TBL1XR1: variants seen among roughly 807,000 people sequenced by gnomAD.
TBL1XR1 encodes F-box-like/WD repeat-containing protein TBL1XR1.
Under a neutral mutation model 66.9 loss-of-function variants are expected in TBL1XR1, and 5 were observed. That is an observed-to-expected ratio of 0.07 (90% CI 0.04 to 0.16). The LOEUF is 0.16. TBL1XR1 is among the 10% of genes least tolerant of loss of function. The pLI, the probability that TBL1XR1 is intolerant of heterozygous loss-of-function variation, is 1.00. For missense variants in TBL1XR1, 238 were observed against 623.2 expected (o/e 0.38, Z 6.58); for synonymous variants, 210 against 206.0 (o/e 1.02, Z -0.17).
intron 1 of TBL1XR1, among the ~76,000 whole-genome samples, chr3:177,167,409 T>C (rs1020098139): frequency 6.6e-6 from 1 of 152,128 alleles, no homozygotes; most frequent in Non-Finnish European, 1.5e-5. Context: ...AAGATGCAAA[T>C]GTCATTATAC....
chr3:177,167,511 T>C (rs183452112), intron 1 of TBL1XR1, among the ~76,000 whole-genome samples: 2 of 152,330 alleles, frequency 1.3e-5, no homozygotes, highest in East Asian at 3.9e-4. Flanking sequence ...CTTAGGTTCA[T>C]CAACTGTAAC....
intron 1 of TBL1XR1, among the ~76,000 whole-genome samples, chr3:177,104,306 T>C (rs1182959890): frequency 6.6e-6 from 1 of 152,206 alleles, no homozygotes; most frequent in Non-Finnish European, 1.5e-5. Flanking sequence ...ATGGAACAAT[T>C]AAATATATAC....
chr3:177,193,629 G>A (rs1736450076), intron 1 of TBL1XR1, among the ~76,000 whole-genome samples: 1 of 152,136 alleles, frequency 6.6e-6, no homozygotes, highest in African/African-American at 2.4e-5. Context: ...TTATTAAATG[G>A]TGCTAGGGAA....
At chr3:177,133,026 C>T (rs934716822) in intron 1 of TBL1XR1, among the ~76,000 whole-genome samples, 4 of 152,248 alleles carry the variant, frequency 2.6e-5, no homozygotes, top group African/African-American at 4.8e-5. Flanking sequence ...CGGTGGCTCA[C>T]GCCTGGAATC....
At chr3:177,085,457 AATCTG>A (rs1328451224) in intron 2 of TBL1XR1, among the ~76,000 whole-genome samples, 1 of 152,186 alleles carries the variant, frequency 6.6e-6, no homozygotes, top group Non-Finnish European at 1.5e-5. Flanking sequence ...AGATGAAGAA[AATCTG>A]ATCATTCTCA....
chr3:177,087,108 A>T (rs1438068527), intron 2 of TBL1XR1: 1 of 147,096 alleles, frequency 6.8e-6, no homozygotes, highest in Non-Finnish European at 1.5e-5. Flanking sequence ...TACTAGATGC[A>T]ACTGTACTTT....
chr3:177,122,865 T>TA (rs111616845), intron 1 of TBL1XR1, among the ~76,000 whole-genome samples: 10,732 of 152,242 alleles, frequency 0.07, 426 homozygotes, highest in Middle Eastern at 0.095. Flanking sequence ...AACAGTGTTT[T>TA]AATAATGTGG....
chr3:177,169,563 T>C (rs1440569834), intron 1 of TBL1XR1, among the ~76,000 whole-genome samples: 1 of 152,236 alleles, frequency 6.6e-6, no homozygotes, highest in African/African-American at 2.4e-5. Flanking sequence ...ATTCAGGCAA[T>C]GCTACTACAA....
intron 3 of TBL1XR1, among the ~76,000 whole-genome samples, chr3:177,056,649 G>A (rs189355441): frequency 2.0e-5 from 3 of 152,152 alleles, no homozygotes; most frequent in Admixed American, 1.3e-4. Flanking sequence ...AAATTACTAT[G>A]TTCAAAATCA....
chr3:177,190,077 G>A (rs1289084401), intron 1 of TBL1XR1, among the ~76,000 whole-genome samples: 1 of 135,858 alleles, frequency 7.4e-6, no homozygotes, highest in African/African-American at 2.7e-5. Flanking sequence ...AGGTTTCAGT[G>A]AGCCAAGCAT....
chr3:177,125,504 A>G (rs946505200), intron 1 of TBL1XR1, among the ~76,000 whole-genome samples: 1 of 152,226 alleles, frequency 6.6e-6, no homozygotes, highest in Non-Finnish European at 1.5e-5. Flanking sequence ...AATTATTAGC[A>G]TTTAATTAGA....
chr3:177,167,254 A>AT (rs1340032262), intron 1 of TBL1XR1, among the ~76,000 whole-genome samples: 1 of 151,580 alleles, frequency 6.6e-6, no homozygotes, highest in East Asian at 1.9e-4. Context: ...AAAAGGCTAC[A>AT]TACTACATGA....
chr3:177,114,813 A>T lies in TBL1XR1; in HGVS notation c.-121-16272T>A, dbSNP rs191745694. Among the ~76,000 whole-genome samples the T allele has an allele frequency of 2.2e-3, 291 of 133,902 alleles. 2 individuals carry two copies. The highest frequency in any genetic ancestry group is 6.8e-3 in the African/African-American group (253 of 37,010). 87.8% of individuals were successfully genotyped at this position (133,902 alleles called of 152,430 possible). A position where few individuals can be genotyped will look rare whatever the true frequency, so the allele number is the denominator to read the frequency against. On this transcript the variant is annotated intron_variant, in intron 1 of 15. Coordinates refer to ENST00000457928, the MANE Select transcript of TBL1XR1 (RefSeq NM_024665.7). ...CAACACAGCAAGACCCCATCTCTAT[A>T]AAAAAAATGTTAAAAATTAGCTGGG...
intron 1 of TBL1XR1, among the ~76,000 whole-genome samples, chr3:177,151,511 G>A (rs1280706131): frequency 1.3e-5 from 2 of 152,126 alleles, no homozygotes; most frequent in South Asian, 2.1e-4. Context: ...CGCTCCTTAT[G>A]AGAATCTAAC....
At chr3:177,031,810 T>C (rs1214903545) in intron 14 of TBL1XR1, among the ~76,000 whole-genome samples, 2 of 151,508 alleles carry the variant, frequency 1.3e-5, no homozygotes, top group Admixed American at 1.3e-4. Flanking sequence ...TAAAATGTAA[T>C]GTAAGATTCA....
At chr3:177,196,215 TAA>T (rs1387253013) in intron 1 of TBL1XR1, 2 of 152,100 alleles carry the variant, frequency 1.3e-5, no homozygotes, top group Non-Finnish European at 2.9e-5. Context: ...TCCACTTAAA[TAA>T]AAGTCTGCTT....
In TBL1XR1 at chr3:177,034,296, G is replaced by A. The variant is rs770559682; in HGVS notation, c.1152C>T (p.Val384=). The A allele has an allele frequency of 2.8e-5, 44 of 1,591,312 alleles. 1 individual carries two copies. The highest frequency in any genetic ancestry group is 1.9e-4 in the Middle Eastern group (1 of 5,364). ...CTTTATTATGTGCTTGCAAATCATG[G>A]ACACAATTGTCTTGTTTCATACTCC... ...KIWSMKQDNC[V]HDLQAHNKEI... Residue 384 remains valine, a synonymous_variant, in exon 13 of 16, where the codon GTC becomes GTT. Coordinates refer to ENST00000457928, the MANE Select transcript of TBL1XR1 (RefSeq NM_024665.7).
At chr3:177,061,282 G>A (rs1718482954) in intron 3 of TBL1XR1, among the ~76,000 whole-genome samples, 1 of 152,146 alleles carries the variant, frequency 6.6e-6, no homozygotes, top group East Asian at 1.9e-4. Context: ...AATTTTGGAG[G>A]TGGGAAACTT....
rs1431366244 is a variant in TBL1XR1 at position 177,051,560 on chromosome 3, G to A, written c.371C>T (p.Ala124Val). 6.2e-7 allele frequency: 1 copy of A among 1,613,020 alleles called. No individual in the cohort carries two copies. Among genetic ancestry groups the A allele is most frequent in the Non-Finnish European group, 8.5e-7 (1 of 1,179,606 alleles). ...AAAAASQQGS[A>V]KNGENTANGE... ...ATTTGCTGTGTTTTCTCCATTTTTT[G>A]CAGATCCTTGTTGGCTGGCTGCAGC... is the stretch of plus-strand genomic sequence containing the variant. The change falls in exon 5 of 16, where the codon GCA becomes GTA. Residue 124 changes from alanine to valine, a missense_variant. Physicochemically the swap from Ala to Val is moderately conservative, Grantham distance 64. Transcript: ENST00000457928.
Sources: gnomAD v4.1 joint callset for allele counts (sites outside exome capture counted in the v4.1 genomes callset) on GRCh38, gnomAD v4.1.1 for gene constraint, MANE v1.5 for transcripts, NCBI Gene and HGNC (gene_info 2026-07-23, HGNC 2026-07-21) for gene names.